The following FRY variants were observed in gnomAD, a reference collection of about 807,000 sequenced individuals.
FRY encodes the protein FRY microtubule binding protein, also known as protein furry homolog.
A neutral mutation model predicts 348.4 loss-of-function variants in FRY; 128 were observed. The observed-to-expected ratio is 0.37, with a 90% CI of 0.32 to 0.43. FRY has a LOEUF of 0.43. Ranked by LOEUF, FRY falls within the 20% of genes least tolerant of loss-of-function variation. The pLI is 1.00. For synonymous variants in FRY, 1,370 were observed against 1,374.7 expected, an observed-to-expected ratio of 1.00 and a Z score of 0.08; for missense variants, 2,736 against 3,695.2, an observed-to-expected ratio of 0.74 and a Z score of 6.73.
At chr13:32,160,099 G>C (rs1881356593) in intron 16 of FRY, among the ~76,000 whole-genome samples, 1 of 152,116 alleles carries the variant, frequency 6.6e-6, no homozygotes, top group South Asian at 2.1e-4. Context: ...CACAATAAAA[G>C]GTAATGTCAC....
intron 50 of FRY, among the ~76,000 whole-genome samples, chr13:32,252,797 T>C (rs1011607015): frequency 6.6e-6 from 1 of 152,162 alleles, no homozygotes; most frequent in Non-Finnish European, 1.5e-5. Context: ...ATATTTCTTA[T>C]CGTCTGGGAA....
At chr13:32,234,150 G>A (rs1593779193) in intron 41 of FRY, among the ~76,000 whole-genome samples, 1 of 150,630 alleles carries the variant, frequency 6.6e-6, no homozygotes, top group Non-Finnish European at 1.5e-5. Context: ...AGCTTGATGT[G>A]GTGGCTCATG....
chr13:32,296,396 C>T lies in FRY; in HGVS notation c.*936C>T, dbSNP rs918625457. The T allele has an allele frequency of 1.3e-5, 2 of 152,416 alleles. No individual in the cohort carries two copies. The highest frequency in any genetic ancestry group is 2.4e-5 in the African/African-American group (1 of 41,374). 9.4% of individuals were successfully genotyped at this position (152,416 alleles called of 1,614,324 possible). On this transcript the variant is annotated 3_prime_UTR_variant, in exon 61 of 61. Coordinates refer to ENST00000542859, the MANE Select transcript of FRY (RefSeq NM_023037.3). Reference sequence around the variant, plus strand: ...AATATGAGTTGTTACTTTGTTTCTTCGATGTCATATTTTATGTGTAATATA... The same window carrying T: ...AATATGAGTTGTTACTTTGTTTCTTTGATGTCATATTTTATGTGTAATATA...
chr13:32,210,002 A>C (rs1884595219), intron 33 of FRY, among the ~76,000 whole-genome samples: 1 of 152,206 alleles, frequency 6.6e-6, no homozygotes, highest in African/African-American at 2.4e-5. Flanking sequence ...TTTTTCTAGC[A>C]GTTACTGAAA....
chr13:32,207,052 G>C (rs1884393434), intron 31 of FRY, among the ~76,000 whole-genome samples: 1 of 152,106 alleles, frequency 6.6e-6, no homozygotes, highest in South Asian at 2.1e-4. Context: ...GGAGCTACCT[G>C]GGTGCTTGGG....
intron 42 of FRY, among the ~76,000 whole-genome samples, chr13:32,235,107 T>C (rs1253373385): frequency 2.6e-5 from 4 of 152,198 alleles, no homozygotes; most frequent in African/African-American, 4.8e-5. Flanking sequence ...GATGCAGTTA[T>C]ACAGTCTCCC....
chr13:32,183,758 A>ATG (rs1491488509), intron 24 of FRY, among the ~76,000 whole-genome samples: 4 of 141,786 alleles, frequency 2.8e-5, no homozygotes, highest in Admixed American at 7.2e-5. Flanking sequence ...CCTGGGTGAC[A>ATG]GAGCAAGACT....
At chr13:32,216,324 C>A (rs1479345815) in intron 35 of FRY, among the ~76,000 whole-genome samples, 2 of 152,144 alleles carry the variant, frequency 1.3e-5, no homozygotes, top group Non-Finnish European at 2.9e-5. Context: ...TTTTTCCTTG[C>A]CAGACATACA....
intron 35 of FRY, among the ~76,000 whole-genome samples, chr13:32,217,185 T>C (rs1228307932): frequency 6.6e-6 from 1 of 152,228 alleles, no homozygotes; most frequent in Non-Finnish European, 1.5e-5. Context: ...GTGAGTAATG[T>C]AGAGGGACAC....
chr13:32,246,645 T>A (rs1886819124), intron 47 of FRY, among the ~76,000 whole-genome samples: 1 of 152,156 alleles, frequency 6.6e-6, no homozygotes, highest in Non-Finnish European at 1.5e-5. Flanking sequence ...TCTAGGAAGA[T>A]CACTCTAGCT....
intron 29 of FRY, among the ~76,000 whole-genome samples, chr13:32,199,877 A>G (rs1352077952): frequency 6.6e-6 from 1 of 152,188 alleles, no homozygotes; most frequent in Non-Finnish European, 1.5e-5. Flanking sequence ...TCTGTTGCCT[A>G]TAACAGAATG....
chr13:32,275,329 A>T (rs1482575666), intron 56 of FRY, among the ~76,000 whole-genome samples: 1 of 151,558 alleles, frequency 6.6e-6, no homozygotes, highest in Non-Finnish European at 1.5e-5. Context: ...CAGAGCTTGC[A>T]GTGAGCCGAG....
chr13:32,274,236 A>G (rs765632573), intron 55 of FRY, among the ~76,000 whole-genome samples: 3 of 152,156 alleles, frequency 2.0e-5, no homozygotes, highest in Non-Finnish European at 2.9e-5. Context: ...GGTTTTTTCC[A>G]TTAATAATCG....
chr13:32,291,400 CT>C (rs758125136), intron 59 of FRY, among the ~76,000 whole-genome samples: 9,768 of 142,098 alleles, frequency 0.069, 286 homozygotes, highest in Non-Finnish European at 0.086. Context: ...TTTTCTTTTT[CT>C]TTTTTTTTTT....
At chr13:32,085,913 C>G (rs1383420472) in intron 2 of FRY, 1 of 518,974 alleles carries the variant, frequency 1.9e-6, no homozygotes, top group Admixed American at 1.9e-5. Context: ...GGTGCTCATG[C>G]TTTGGGAGAT....
chr13:32,209,240 TTGC>T, intron 32 of FRY, 131 bp downstream of exon 32: 1 of 1,046,054 alleles, frequency 9.6e-7, no homozygotes, highest in Non-Finnish European at 1.5e-6. Flanking sequence ...GTGGTGATGG[TTGC>T]ACAGAAATAT....
Position 32,136,945 on chromosome 13 carries a change from C to A in FRY, c.1152C>A (p.Phe384Leu). 1 of 1,599,706 alleles carries A rather than the reference C, an allele frequency of 6.3e-7. No individual in the cohort carries two copies. The highest frequency in any genetic ancestry group is 8.6e-7 in the Non-Finnish European group (1 of 1,166,860). Residue 384 changes from phenylalanine to leucine, a missense_variant, in exon 11 of 61, where the codon TTC becomes TTA. By Grantham distance (22) the Phe-to-Leu change is conservative. Coordinates refer to ENST00000542859, the MANE Select transcript of FRY (RefSeq NM_023037.3). Reference sequence around the variant, plus strand: ...TGTTCCTGAACAGGTGGCACATTTTCCTCAACAACTGCTTGTCCAACCTTA... The same window carrying A: ...TGTTCCTGAACAGGTGGCACATTTTACTCAACAACTGCTTGTCCAACCTTA... ...KQLFLNRWHI[F>L]LNNCLSNLKN... is the part of the protein sequence containing the mutation.
chr13:32,148,249 T>C (rs1252190375), intron 13 of FRY, among the ~76,000 whole-genome samples: 1 of 152,204 alleles, frequency 6.6e-6, no homozygotes. Flanking sequence ...CACCTCTGTT[T>C]TTTTCCTGTT....
intron 11 of FRY, among the ~76,000 whole-genome samples, chr13:32,145,701 C>T (rs905130522): frequency 3.3e-5 from 5 of 151,032 alleles, no homozygotes; most frequent in African/African-American, 7.3e-5. Flanking sequence ...CCCGCCACCG[C>T]GCCCGGCTAA....
Sources: allele counts gnomAD v4.1 joint callset (sites outside exome capture counted in the v4.1 genomes callset), GRCh38; gene constraint gnomAD v4.1.1; transcripts MANE v1.5; gene names NCBI Gene and HGNC (gene_info 2026-07-23, HGNC 2026-07-21).